The following ZNF224 variants were observed in gnomAD, a reference collection of about 807,000 sequenced individuals.
ZNF224 encodes bone marrow zinc finger 2.
A neutral mutation model predicts 10.5 loss-of-function variants in ZNF224; 8 were observed. The observed-to-expected ratio is 0.76, with a 90% confidence interval of 0.45 to 1.37. ZNF224 has a LOEUF of 1.37. ZNF224 is among the 40% of genes most tolerant of loss of function. The pLI, the probability that ZNF224 is intolerant of heterozygous loss-of-function variation, is 0.00. For synonymous variants in ZNF224, 282 were observed against 287.8 expected (o/e 0.98, Z 0.20); for missense variants, 754 against 854.0 (o/e 0.88, Z 1.46).
In ZNF224 at chr19:44,106,780, A is replaced by G; in HGVS notation, c.620A>G (p.Asp207Gly). ...ATGGGAGAGAAATGCTATAAGTGTG[A>G]CGTGTGTGGTAAGGAATTCAGTCAG... ...VHMGEKCYKCDVCGKEFSQSS... is the reference protein window; with the variant it reads ...VHMGEKCYKCGVCGKEFSQSS... The change falls in exon 6 of 6, where the codon GAC (aspartate) becomes GGC (glycine). Residue 207 changes from aspartate to glycine, a missense_variant. Coordinates refer to ENST00000693561, the MANE Select transcript of ZNF224 (RefSeq NM_001321645.3). 1.2e-6 allele frequency: 2 copies of G among 1,613,842 alleles called. No homozygotes were observed. Among genetic ancestry groups the G allele is most frequent in the Non-Finnish European group, 1.7e-6 (2 of 1,179,812 alleles).
rs1288530037 is a variant in ZNF224 at position 44,107,190 on chromosome 19, T to C, written c.1030T>C (p.Tyr344His). Reference sequence around the variant, plus strand: ...CATGATCCACACAGGAGAGAAACCATACAAATGTGAGGAGTGTGGAAAAGG... The same window carrying C: ...CATGATCCACACAGGAGAGAAACCACACAAATGTGAGGAGTGTGGAAAAGG... ...HRMIHTGEKP[Y>H]KCEECGKGFI... Residue 344 changes from tyrosine (Y) to histidine (H), a missense_variant, in exon 6 of 6, where the codon TAC (tyrosine) becomes CAC (histidine). Coordinates refer to ENST00000693561, the MANE Select transcript of ZNF224 (RefSeq NM_001321645.3). 3.1e-6 allele frequency: 5 copies of C among 1,606,160 alleles called. No individual in the cohort carries two copies. The highest frequency in any genetic ancestry group is 4.3e-6 in the Non-Finnish European group (5 of 1,175,960).
At chr19:44,098,174 C>G (rs1210087044) in intron 3 of ZNF224, among the ~76,000 whole-genome samples, 2 of 152,228 alleles carry the variant, frequency 1.3e-5, no homozygotes, top group Non-Finnish European at 2.9e-5. Flanking sequence ...CTGTGATACT[C>G]TTCCTCATGT....
At chr19:44,101,836 C>G (rs936786123) in intron 5 of ZNF224, among the ~76,000 whole-genome samples, 1 of 152,182 alleles carries the variant, frequency 6.6e-6, no homozygotes, top group Non-Finnish European at 1.5e-5. Flanking sequence ...TAGGCACTGT[C>G]CATACTCCTT....
intron 3 of ZNF224, among the ~76,000 whole-genome samples, chr19:44,098,293 T>G (rs1157373904): frequency 6.6e-6 from 1 of 152,240 alleles, no homozygotes; most frequent in Admixed American, 6.5e-5. Context: ...TATTCCCATT[T>G]AATCGATGTT....
chr19:44,100,675 C>T (rs955183127), intron 3 of ZNF224, 126 bp from the exon 4 acceptor site: 24 of 1,197,250 alleles, frequency 2.0e-5, no homozygotes, highest in African/African-American at 1.4e-4. Flanking sequence ...AGGAAATCTA[C>T]GAGTTGACCT....
At chr19:44,099,160 G>A (rs940559851) in intron 3 of ZNF224, among the ~76,000 whole-genome samples, 18 of 152,174 alleles carry the variant, frequency 1.2e-4, no homozygotes, top group Non-Finnish European at 8.8e-5. Flanking sequence ...CCTGTTGAGT[G>A]ATGATGTCCA....
rs374131543 is a variant in ZNF224 at position 44,106,785 on chromosome 19, T to C, written c.625T>C (p.Cys209Arg). ...MGEKCYKCDV[C>R]GKEFSQSSHL... ...AGAGAAATGCTATAAGTGTGACGTG[T>C]GTGGTAAGGAATTCAGTCAGAGTTC... The change falls in exon 6 of 6, where the codon TGT (cysteine) becomes CGT (arginine). Residue 209 changes from cysteine (C) to arginine (R), a missense_variant. Cys to Arg is a radical substitution (Grantham distance 180, BLOSUM62 -3). Coordinates refer to ENST00000693561, the MANE Select transcript of ZNF224 (RefSeq NM_001321645.3). The C allele has an allele frequency of 1.2e-6, 2 of 1,613,790 alleles. No individual in the cohort carries two copies. The highest frequency in any genetic ancestry group is 1.7e-6 in the Non-Finnish European group (2 of 1,179,868).
intron 2 of ZNF224, 113 bp from the exon 3 acceptor site, chr19:44,097,693 T>G: frequency 1.7e-6 from 1 of 601,088 alleles, no homozygotes; most frequent in Admixed American, 3.3e-5. Context: ...TTTTTATGAT[T>G]AATGCTGCTG....
intron 5 of ZNF224, among the ~76,000 whole-genome samples, chr19:44,104,143 A>G (rs901575336): frequency 2.0e-5 from 3 of 152,212 alleles, no homozygotes; most frequent in Admixed American, 2.0e-4. Flanking sequence ...TGTCAGGTCC[A>G]ACCTTTCAGA....
chr19:44,099,004 A>G (rs975231284), intron 3 of ZNF224, among the ~76,000 whole-genome samples: 18 of 152,254 alleles, frequency 1.2e-4, no homozygotes, highest in Non-Finnish European at 2.5e-4. Context: ...ATGAAATATG[A>G]GAAACCTGCT....
chr19:44,109,485 A>G lies in ZNF224; in HGVS notation c.*1201A>G, dbSNP rs572444336. On this transcript the variant is annotated 3_prime_UTR_variant, in exon 6 of 6. Transcript: ENST00000693561. ...ATTATTGGGGGCAGGAGTAACATTT[A>G]AATCCTCCTCTTTATTGCTGGCAGT... 6.6e-6 allele frequency: 1 copy of G among 152,326 alleles called. No homozygotes were observed. Among genetic ancestry groups the G allele is most frequent in the East Asian group, 1.9e-4 (1 of 5,186 alleles). The allele number at this position is 152,326 out of a possible 1,614,324, so 9.4% of individuals were successfully genotyped here.
In ZNF224 at chr19:44,109,219, T is replaced by C. The variant is rs1020695546; in HGVS notation, c.*935T>C. The C allele has an allele frequency of 1.3e-5, 2 of 152,686 alleles. No homozygotes were observed. Among genetic ancestry groups the C allele is most frequent in the African/African-American group, 4.8e-5 (2 of 41,458 alleles). The allele number at this position is 152,686 out of a possible 1,614,324, so 9.5% of individuals were successfully genotyped here. On this transcript the variant is annotated 3_prime_UTR_variant, in exon 6 of 6. Coordinates refer to ENST00000693561, the MANE Select transcript of ZNF224 (RefSeq NM_001321645.3). ...AGTAACACTTTTAAAGTGCCAGATG[T>C]ACATTGACAGAAATTTTCTTAGTCA...
At chr19:44,098,007 G>A (rs1472327374) in intron 3 of ZNF224, 119 bp downstream of exon 3, 2 of 1,046,880 alleles carry the variant, frequency 1.9e-6, no homozygotes, top group Non-Finnish European at 2.8e-6. Context: ...GATCTCTTGT[G>A]TACCATGTAC....
rs779408732 is a variant in ZNF224 at position 44,107,629 on chromosome 19, G to T, written c.1469G>T (p.Gly490Val). The T allele has an allele frequency of 5.6e-6, 9 of 1,613,944 alleles. No individual in the cohort carries two copies. The East Asian group carries it at 2.0e-4, about 36-fold the overall frequency. The change falls in exon 6 of 6, where the codon GGG becomes GTG. Residue 490 changes from glycine to valine, a missense_variant. Gly to Val is a moderately radical substitution (Grantham distance 109, BLOSUM62 -3). Transcript: ENST00000693561. ...GEKPFQCEECGKRFTQNSHLH... is the reference protein window; with the variant it reads ...GEKPFQCEECVKRFTQNSHLH... The stretch of plus-strand genomic sequence containing the variant: ...AAACCATTCCAATGTGAAGAGTGTG[G>T]GAAGAGATTTACTCAAAATTCACAT...
At chr19:44,098,039 G>T in intron 3 of ZNF224, 151 bp downstream of exon 3, 1 of 781,192 alleles carries the variant, frequency 1.3e-6, no homozygotes, top group Non-Finnish European at 2.0e-6. Flanking sequence ...CTTTTGAGTG[G>T]ATTTTGCATT....
chr19:44,107,496 C>T lies in ZNF224; in HGVS notation c.1336C>T (p.His446Tyr). 1.2e-6 allele frequency: 2 copies of T among 1,604,556 alleles called. No homozygotes were observed. Among genetic ancestry groups the T allele is most frequent in the Non-Finnish European group, 1.7e-6 (2 of 1,176,052 alleles). ...GYKRRLDLDFHQRVHTGEKLY... is the reference protein window; with the variant it reads ...GYKRRLDLDFYQRVHTGEKLY... ...CAAAAGGAGGTTGGATCTTGACTTT[C>T]ACCAGCGCGTCCATACAGGAGAGAA... Residue 446 changes from histidine to tyrosine, a missense_variant, in exon 6 of 6, where the codon CAC becomes TAC. Physicochemically the swap from His to Tyr is moderately conservative, Grantham distance 83. Transcript: ENST00000693561.
At position 44,107,309 on chromosome 19, in the gene ZNF224, G is replaced by A; in HGVS notation, c.1149G>A (p.Trp383Ter). Residue 383 changes from tryptophan to a stop codon, truncating the protein, a stop_gained, in exon 6 of 6, where the codon TGG becomes TGA. Transcript: ENST00000693561. LOFTEE classifies it low-confidence loss of function (END_TRUNC). Reference protein sequence around the residue: ...NCKECGKSFRWASCLLKHQRV... With the variant: ...NCKECGKSFR Reference sequence around the variant, plus strand: ...AAGAGTGTGGGAAGAGCTTCAGATGGGCCTCGTGTCTTTTGAAACATCAGC... The same window carrying A: ...AAGAGTGTGGGAAGAGCTTCAGATGAGCCTCGTGTCTTTTGAAACATCAGC... 1 of 1,584,666 alleles carries A rather than the reference G, an allele frequency of 6.3e-7. No homozygotes were observed. The highest frequency in any genetic ancestry group is 1.8e-5 in the Admixed American group (1 of 55,914).
intron 5 of ZNF224, 144 bp from the exon 6 acceptor site, chr19:44,106,247 TCCAAA>T: frequency 1.2e-6 from 1 of 830,976 alleles, no homozygotes; most frequent in African/African-American, 1.7e-5. Flanking sequence ...ATTGGCCTCA[TCCAAA>T]CCAAAGATTA....
Position 44,106,482 on chromosome 19 carries a change from G to C in ZNF224, c.322G>C (p.Ala108Pro), listed in dbSNP as rs1227734361. Reference sequence around the variant, plus strand: ...CTTCCAGCAAATCTGGGAAAAAATTGCAAGTGATTTAACCAGGTCTCAAGA... The same window carrying C: ...CTTCCAGCAAATCTGGGAAAAAATTCCAAGTGATTTAACCAGGTCTCAAGA... The part of the protein sequence containing the change: ...WSFQQIWEKI[A>P]SDLTRSQDLM... Residue 108 changes from alanine to proline, a missense_variant, in exon 6 of 6, where the codon GCA (alanine) becomes CCA (proline). Coordinates refer to ENST00000693561, the MANE Select transcript of ZNF224 (RefSeq NM_001321645.3). 2 of 1,614,148 alleles carry C rather than the reference G, an allele frequency of 1.2e-6. No homozygotes were observed. Among genetic ancestry groups the C allele is most frequent in the East Asian group, 4.5e-5 (2 of 44,866 alleles).
Sources: gnomAD v4.1 joint callset for allele counts (sites outside exome capture counted in the v4.1 genomes callset) on GRCh38, gnomAD v4.1.1 for gene constraint, MANE v1.5 for transcripts, NCBI Gene and HGNC (gene_info 2026-07-23, HGNC 2026-07-21) for gene names.